STIMATE: variants seen among roughly 807,000 people sequenced by gnomAD.
STIMATE encodes store-operated calcium entry regulator STIMATE.
In STIMATE, 15 loss-of-function variants were observed where a neutral mutation model predicts 36.7. The observed-to-expected ratio is 0.41, with a 90% CI of 0.27 to 0.63. STIMATE has a LOEUF of 0.63. Among genes scored for constraint, STIMATE ranks in the 20% least tolerant of loss-of-function variants. The pLI is 0.32. For missense variants in STIMATE, 305 were observed against 397.3 expected, an observed-to-expected ratio of 0.77 and a Z score of 1.98; for synonymous variants, 163 against 162.3, an observed-to-expected ratio of 1.00 and a Z score of -0.03.
intron 6 of STIMATE, chr3:52,843,278 C>CTCCATGTG: frequency 2.4e-6 from 1 of 421,682 alleles, no homozygotes; most frequent in Non-Finnish European, 4.3e-6. Flanking sequence ...TCCCCACAGA[C>CTCCATGTG]TCCATGTGGG....
chr3:52,889,525 CTT>C (rs1350055733), intron 1 of STIMATE, among the ~76,000 whole-genome samples: 7 of 152,330 alleles, frequency 4.6e-5, no homozygotes, highest in African/African-American at 1.7e-4. Context: ...GGCTGTGTGA[CTT>C]TGAGTGGGTT....
chr3:52,850,161 G>A (rs1015627452), intron 3 of STIMATE, among the ~76,000 whole-genome samples: 4 of 152,216 alleles, frequency 2.6e-5, no homozygotes, highest in South Asian at 2.1e-4. Context: ...GGCTGCGCGC[G>A]GTGGCTCACG....
chr3:52,863,316 T>C (rs1301939200), intron 1 of STIMATE, among the ~76,000 whole-genome samples: 7 of 152,096 alleles, frequency 4.6e-5, no homozygotes, highest in Non-Finnish European at 1.0e-4. Context: ...ACTTCTTACA[T>C]GGTGGTGGCA....
intron 1 of STIMATE, among the ~76,000 whole-genome samples, chr3:52,873,455 G>C (rs1190363533): frequency 6.6e-6 from 1 of 152,204 alleles, no homozygotes; most frequent in Non-Finnish European, 1.5e-5. Flanking sequence ...GTAGAAAAGC[G>C]AGTTGTACAA....
intron 4 of STIMATE, among the ~76,000 whole-genome samples, chr3:52,847,722 T>C (rs1700931549): frequency 1.3e-5 from 2 of 152,162 alleles, no homozygotes; most frequent in South Asian, 4.1e-4. Context: ...TGTGAGTGTG[T>C]AGCATCACAT....
intron 2 of STIMATE, among the ~76,000 whole-genome samples, chr3:52,852,932 G>A (rs1196712832): frequency 3.3e-5 from 5 of 152,110 alleles, no homozygotes; most frequent in Non-Finnish European, 7.3e-5. Flanking sequence ...TTTAAAATAC[G>A]TTTTAAATTT....
At chr3:52,845,726 C>T (rs541391955) in intron 4 of STIMATE, among the ~76,000 whole-genome samples, 27 of 152,226 alleles carry the variant, frequency 1.8e-4, no homozygotes, top group African/African-American at 5.8e-4. Flanking sequence ...ACATTTTGAA[C>T]GGAGAGAAGA....
At chr3:52,854,606 G>A (rs1469180572) in intron 2 of STIMATE, among the ~76,000 whole-genome samples, 1 of 152,212 alleles carries the variant, frequency 6.6e-6, no homozygotes, top group Non-Finnish European at 1.5e-5. Flanking sequence ...ATCAGTAAAT[G>A]TAAGTAAATG....
intron 1 of STIMATE, 97 bp from the exon 2 acceptor site, chr3:52,855,541 T>C: frequency 6.5e-7 from 1 of 1,533,742 alleles, no homozygotes; most frequent in South Asian, 1.2e-5. Flanking sequence ...ACTGTGTGTA[T>C]AACCAAGGTA....
rs1018212251 is a variant in STIMATE, at chr3:52,837,854, G to A, written c.*2640C>T. ...GCAGGTGGAGAGGAAACTCATCCCAGGGAGGGAGGGCAGCTCGGGAGGAAG... is the reference window on the plus strand; with the variant it reads ...GCAGGTGGAGAGGAAACTCATCCCAAGGAGGGAGGGCAGCTCGGGAGGAAG... On this transcript the variant is annotated 3_prime_UTR_variant, in exon 8 of 8. Transcript: ENST00000355083. 6.6e-6 allele frequency: 1 copy of A among 152,252 alleles called. No individual in the cohort carries two copies. The highest frequency in any genetic ancestry group is 6.5e-5 in the Admixed American group (1 of 15,292). 9.4% of individuals were successfully genotyped at this position (152,252 alleles called of 1,614,324 possible).
intron 1 of STIMATE, among the ~76,000 whole-genome samples, chr3:52,861,255 G>A (rs531073044): frequency 4.9e-4 from 75 of 152,350 alleles, no homozygotes; most frequent in Admixed American, 8.5e-4. Context: ...AACAGAGAGA[G>A]GGGAGAAGGG....
intron 1 of STIMATE, chr3:52,895,781 A>T: frequency 1.2e-6 from 1 of 819,338 alleles, no homozygotes; most frequent in Non-Finnish European, 1.7e-6. Context: ...ACCTCAGGTT[A>T]GGGAGCAAAA....
intron 7 of STIMATE, among the ~76,000 whole-genome samples, chr3:52,842,344 G>C (rs978054744): frequency 6.6e-6 from 1 of 152,202 alleles, no homozygotes; most frequent in Non-Finnish European, 1.5e-5. Flanking sequence ...GAAAATAAGG[G>C]GGGGATGAGT....
chr3:52,852,680 T>C lies in STIMATE; in HGVS notation c.228A>G (p.Lys76=), dbSNP rs200096059. 15 of 1,614,082 alleles carry C rather than the reference T, an allele frequency of 9.3e-6. No homozygotes were observed. The African/African-American group carries it at 1.7e-4, about 19-fold the overall frequency. ...GGATGAACAGCATTCCTATGGCTTG[T>C]TTGGAAGTGTCTAAAAACCTGTACA... The part of the protein sequence containing the change: ...PWRIWFLDTS[K]QAIGMLFIHF... Residue 76 remains lysine (K), a synonymous_variant, in exon 3 of 8, where the codon AAA becomes AAG. Coordinates refer to ENST00000355083, the MANE Select transcript of STIMATE (RefSeq NM_198563.5).
chr3:52,886,140 A>C (rs1178058081), intron 1 of STIMATE, among the ~76,000 whole-genome samples: 1 of 152,188 alleles, frequency 6.6e-6, no homozygotes, highest in Non-Finnish European at 1.5e-5. Flanking sequence ...GCCTAGAAAA[A>C]ACATTTCAGT....
chr3:52,883,785 T>C (rs1205195025), intron 1 of STIMATE, among the ~76,000 whole-genome samples: 1 of 152,226 alleles, frequency 6.6e-6, no homozygotes, highest in Non-Finnish European at 1.5e-5. Flanking sequence ...TGCTTTGCTT[T>C]TCTATTTTCC....
rs568402665 is a variant in STIMATE, at chr3:52,855,591, C to G, written c.161-147G>C. 2.8e-5 allele frequency: 33 copies of G among 1,185,102 alleles called. No homozygotes were observed. In the South Asian group the frequency reaches 4.5e-4, roughly 16 times the overall value. 73.4% of individuals were successfully genotyped at this position (1,185,102 alleles called of 1,614,324 possible). A position where few individuals can be genotyped will look rare whatever the true frequency, so the allele number is the denominator to read the frequency against. On this transcript the variant is annotated intron_variant, in intron 1 of 7. Transcript: ENST00000355083. ...TTAACATGTAACAACATACAGTAAG[C>G]CCTGCGAAGGTCACTGAGGTCCTGT...
chr3:52,895,925 C>T (rs1415643559), intron 1 of STIMATE: 10 of 1,289,628 alleles, frequency 7.8e-6, no homozygotes, highest in Middle Eastern at 2.1e-4. Context: ...AAGTCAGCAG[C>T]GGATTTTGGC....
chr3:52,857,201 A>T (rs544531966), intron 1 of STIMATE, among the ~76,000 whole-genome samples: 5 of 152,254 alleles, frequency 3.3e-5, no homozygotes, highest in African/African-American at 1.2e-4. Context: ...AATTGCAGTT[A>T]CAAGTCTGTT....
Sources: allele counts gnomAD v4.1 joint callset (sites outside exome capture counted in the v4.1 genomes callset), GRCh38; gene constraint gnomAD v4.1.1; transcripts MANE v1.5; gene names NCBI Gene and HGNC (gene_info 2026-07-23, HGNC 2026-07-21).